The following ACBD5 variants were observed in gnomAD, a reference collection of about 807,000 sequenced individuals.
The protein encoded by ACBD5 is acyl-CoA-binding domain-containing protein 5.
Under a neutral mutation model 71.8 loss-of-function variants are expected in ACBD5, and 40 were observed. The ratio of observed to expected loss-of-function variants is 0.56; its 90% CI spans 0.43 to 0.72. The LOEUF (loss-of-function observed/expected upper bound fraction) is 0.72, where lower values mean the gene tolerates loss of function less well. Among genes scored for constraint, ACBD5 ranks in the 30% least tolerant of loss-of-function variants. ACBD5 has a pLI of 0.00. For missense variants in ACBD5, 559 were observed against 644.5 expected (o/e 0.87, Z 1.44); for synonymous variants, 229 against 218.6 (o/e 1.05, Z -0.42).
intron 8 of ACBD5, among the ~76,000 whole-genome samples, chr10:27,215,072 G>A (rs986079127): frequency 1.3e-5 from 2 of 152,138 alleles, no homozygotes; most frequent in African/African-American, 4.8e-5. Flanking sequence ...GCTGAGGCAG[G>A]AGAATTGCTT....
chr10:27,240,773 C>G lies in ACBD5; in HGVS notation c.-85G>C, dbSNP rs1015092248. On this transcript the variant is annotated 5_prime_UTR_variant, in exon 1 of 13. Transcript: ENST00000396271. The surrounding 1 kb of genome is among the most constrained non-coding windows in gnomAD (Gnocchi z 4.1). ...TGGGGACCCTGGCGGAGCAGCCACA[C>G]CCCCCATTCCGCCGGAGTCCGTCTG... The G allele has an allele frequency of 5.2e-6, 8 of 1,531,592 alleles. No individual in the cohort carries two copies. The highest frequency in any genetic ancestry group is 1.4e-5 in the African/African-American group (1 of 72,688). The allele number at this position is 1,531,592 out of a possible 1,614,324, so 94.9% of individuals were successfully genotyped here. A position where few individuals can be genotyped will look rare whatever the true frequency, so the allele number is the denominator to read the frequency against.
chr10:27,217,419 G>T (rs1401403564), intron 7 of ACBD5, among the ~76,000 whole-genome samples: 1 of 148,950 alleles, frequency 6.7e-6, no homozygotes, highest in Non-Finnish European at 1.5e-5. Flanking sequence ...TTGCGCCACT[G>T]CACTCCAGCC....
intron 13 of ACBD5, among the ~76,000 whole-genome samples, chr10:27,185,618 CAAAA>C (rs34847161): frequency 2.0e-5 from 2 of 98,580 alleles, no homozygotes; most frequent in African/African-American, 4.0e-5. Flanking sequence ...AGGTGACAGA[CAAAA>C]AAAAAAAAAA....
intron 8 of ACBD5, among the ~76,000 whole-genome samples, chr10:27,213,363 T>C (rs534345922): frequency 2.0e-5 from 3 of 152,076 alleles, no homozygotes; most frequent in Non-Finnish European, 4.4e-5. Flanking sequence ...CAATAACAAA[T>C]GCTGGCAAGG....
At chr10:27,227,086 T>A (rs1171516066) in intron 4 of ACBD5, among the ~76,000 whole-genome samples, 1 of 117,320 alleles carries the variant, frequency 8.5e-6, no homozygotes, top group African/African-American at 3.4e-5. Flanking sequence ...CTAAAATAAT[T>A]CTTCTTCCAG....
Position 27,219,832 on chromosome 10 carries a change from A to T in ACBD5, c.516T>A (p.Thr172=). ...TSDLGNVLTS[T]PNAKTVNGKA... is the part of the protein sequence containing the mutation. ...TACCATTAACGGTTTTGGCGTTTGG[A>T]GTAGAAGTGAGAACATTACCAAGAT... The change falls in exon 6 of 13, where the codon ACT becomes ACA. Residue 172 remains threonine, a synonymous_variant. Coordinates refer to ENST00000396271, the MANE Select transcript of ACBD5 (RefSeq NM_145698.5). The T allele has an allele frequency of 6.2e-7, 1 of 1,614,022 alleles. No individual in the cohort carries two copies. Among genetic ancestry groups the T allele is most frequent in the South Asian group, 1.1e-5 (1 of 91,088 alleles).
chr10:27,204,320 T>C (rs1328367437), intron 12 of ACBD5, 120 bp downstream of exon 12: 2 of 720,520 alleles, frequency 2.8e-6, no homozygotes, highest in Non-Finnish European at 4.9e-6. Context: ...AAATATAGAA[T>C]GTTCACTATG....
At chr10:27,203,457 G>A (rs749984080) in intron 12 of ACBD5, among the ~76,000 whole-genome samples, 12 of 152,196 alleles carry the variant, frequency 7.9e-5, no homozygotes, top group South Asian at 6.2e-4. Flanking sequence ...AGTAACCTCC[G>A]GATGGGCACA....
At chr10:27,201,538 C>G (rs918672482) in intron 12 of ACBD5, among the ~76,000 whole-genome samples, 5 of 152,240 alleles carry the variant, frequency 3.3e-5, no homozygotes, top group Non-Finnish European at 7.3e-5. Context: ...TGTGCTGGCT[C>G]ATGCCTGTAA....
intron 9 of ACBD5, 104 bp downstream of exon 9, chr10:27,210,710 A>T: frequency 1.3e-6 from 2 of 1,491,718 alleles, no homozygotes; most frequent in Admixed American, 1.8e-5. Context: ...GTGAGCCGAG[A>T]TTGCACCACC....
At chr10:27,203,522 T>C (rs1439484287) in intron 12 of ACBD5, among the ~76,000 whole-genome samples, 2 of 152,196 alleles carry the variant, frequency 1.3e-5, no homozygotes, top group Non-Finnish European at 2.9e-5. Flanking sequence ...GCAAATCACC[T>C]GAGGTCAGGA....
chr10:27,198,062 G>T (rs151336757), intron 12 of ACBD5, among the ~76,000 whole-genome samples: 144 of 152,274 alleles, frequency 9.5e-4, no homozygotes, highest in Non-Finnish European at 1.9e-3. Flanking sequence ...TTATCAAAAT[G>T]GAAAAGTTAT....
Position 27,218,219 on chromosome 10 carries a change from C to T in ACBD5, c.626-36G>A, listed in dbSNP as rs538393171. ...AAAATGGGAAAGATTCATAAAAGTT[C>T]ACAGTAGGTCACCTTCTGCATACCA... On this transcript the variant is annotated intron_variant, in intron 6 of 12. Transcript: ENST00000396271. 7.9e-5 allele frequency: 117 copies of T among 1,488,494 alleles called. No individual in the cohort carries two copies. The South Asian group carries it at 1.3e-3, about 16-fold the overall frequency. The allele number at this position is 1,488,494 out of a possible 1,614,324, so 92.2% of individuals were successfully genotyped here.
rs2060264039 is a variant in ACBD5 at position 27,204,518 on chromosome 10, G to C, written c.1487C>G (p.Pro496Arg). The change falls in exon 12 of 13, where the codon CCT becomes CGT. Residue 496 changes from proline (P) to arginine (R), a missense_variant. Physicochemically the swap from Pro to Arg is moderately radical, Grantham distance 103. Coordinates refer to ENST00000396271, the MANE Select transcript of ACBD5 (RefSeq NM_145698.5). ...TATGATGGCAAACGTTAGCACACCA[G>C]GAGACATCTCGAAGGGCCACCAAGA... The part of the protein sequence containing the change: ...RPSWWPFEMS[P>R]GVLTFAIIWP... 6.2e-7 allele frequency: 1 copy of C among 1,614,036 alleles called. No homozygotes were observed. The highest frequency in any genetic ancestry group is 1.3e-5 in the African/African-American group (1 of 75,038).
chr10:27,211,958 G>T (rs993002841), intron 8 of ACBD5, among the ~76,000 whole-genome samples: 1 of 152,094 alleles, frequency 6.6e-6, no homozygotes, highest in Non-Finnish European at 1.5e-5. Context: ...ATGTACAAGT[G>T]GGGGTGGGGG....
At chr10:27,237,621 C>CTTTTTTTTT (rs60724833) in intron 2 of ACBD5, among the ~76,000 whole-genome samples, 1 of 133,686 alleles carries the variant, frequency 7.5e-6, no homozygotes, top group Non-Finnish European at 1.6e-5. Flanking sequence ...GATAGGATAT[C>CTTTTTTTTT]TTTTTTTTTT....
intron 2 of ACBD5, among the ~76,000 whole-genome samples, chr10:27,236,472 C>A (rs896874763): frequency 6.6e-6 from 1 of 152,080 alleles, no homozygotes; most frequent in African/African-American, 2.4e-5. Flanking sequence ...TTTTCCTTTT[C>A]ACTTATGTGT....
rs775633178 is a variant in ACBD5 at position 27,202,969 on chromosome 10, C to CTTTTTTTT, written c.1565+1463_1565+1470dup. 2.4e-4 allele frequency among the ~76,000 whole-genome samples: 17 copies of CTTTTTTTT among 70,780 alleles called. 1 individual carries two copies. Among genetic ancestry groups the CTTTTTTTT allele is most frequent in the African/African-American group, 7.7e-4 (13 of 16,776 alleles). The allele number at this position is 70,780 out of a possible 152,430, so 46.4% of individuals were successfully genotyped here. On this transcript the variant is annotated intron_variant, in intron 12 of 12. Coordinates refer to ENST00000396271, the MANE Select transcript of ACBD5 (RefSeq NM_145698.5). ...GGATTTAAATTCAGGTCTATATCCT[C>CTTTTTTTT]TTTTTTTTTTTTTTTTTTTTTTTTG...
intron 9 of ACBD5, 43 bp downstream of exon 9, chr10:27,210,771 A>G: frequency 3.1e-6 from 5 of 1,613,746 alleles, no homozygotes; most frequent in Non-Finnish European, 4.2e-6. Context: ...AAAATAAGTA[A>G]GTAAATCAAT....
Sources: gnomAD v4.1 joint callset for allele counts (sites outside exome capture counted in the v4.1 genomes callset) on GRCh38, gnomAD v4.1.1 for gene constraint, Gnocchi (gnomAD v3.1) non-coding constraint, MANE v1.5 for transcripts, NCBI Gene and HGNC (gene_info 2026-07-23, HGNC 2026-07-21) for gene names.